Variants in LDLRAD4 observed in about 807,000 individuals in gnomAD.
LDLRAD4 encodes low-density lipoprotein receptor class A domain-containing protein 4.
LDLRAD4 carries 5 observed loss-of-function variants against 17.0 expected under a neutral mutation model. The ratio of observed to expected loss-of-function variants is 0.29; its 90% CI spans 0.15 to 0.62. The LOEUF is 0.62. Ranked by LOEUF, LDLRAD4 falls within the 20% of genes least tolerant of loss-of-function variation. LDLRAD4 has a pLI of 0.84. For synonymous variants in LDLRAD4, 168 were observed against 171.8 expected, an observed-to-expected ratio of 0.98 and a Z score of 0.17; for missense variants, 340 against 424.7, an observed-to-expected ratio of 0.80 and a Z score of 1.75.
intron 1 of LDLRAD4, among the ~76,000 whole-genome samples, chr18:13,364,875 C>G (rs945101998): frequency 3.2e-4 from 49 of 152,168 alleles, no homozygotes; most frequent in African/African-American, 1.1e-3. Flanking sequence ...CAGTGCAGTT[C>G]CACTCGTGTG....
At chr18:13,323,578 AACACCC>A (rs2143442183) in intron 1 of LDLRAD4, among the ~76,000 whole-genome samples, 1 of 152,360 alleles carries the variant, frequency 6.6e-6, no homozygotes, top group Admixed American at 6.5e-5. Flanking sequence ...AACAAAACAA[AACACCC>A]CTCAGTAACT....
chr18:13,591,432 CTGTG>C (rs58480746), intron 3 of LDLRAD4, among the ~76,000 whole-genome samples: 6 of 150,742 alleles, frequency 4.0e-5, no homozygotes, highest in East Asian at 2.0e-4. Flanking sequence ...GTGTGTGTGT[CTGTG>C]TGTGTGTGTG....
intron 3 of LDLRAD4, among the ~76,000 whole-genome samples, chr18:13,444,179 G>T (rs929645024): frequency 3.9e-5 from 6 of 152,176 alleles, no homozygotes; most frequent in Non-Finnish European, 8.8e-5. Context: ...TTTCCTCTGT[G>T]TGTTATGATG....
intron 1 of LDLRAD4, among the ~76,000 whole-genome samples, chr18:13,271,893 C>CTTT (rs753254188): frequency 0.092 from 7,238 of 78,898 alleles, 765 homozygotes; most frequent in Non-Finnish European, 0.12. Context: ...CTGTTCAGTG[C>CTTT]TTTTTTTTTT....
intron 1 of LDLRAD4, among the ~76,000 whole-genome samples, chr18:13,289,233 C>T (rs113400305): frequency 2.0e-5 from 3 of 152,176 alleles, no homozygotes; most frequent in Admixed American, 6.5e-5. Flanking sequence ...AGTTCCAGCA[C>T]GCATAATGGT....
chr18:13,555,598 G>A (rs977364653), intron 3 of LDLRAD4, among the ~76,000 whole-genome samples: 2 of 152,196 alleles, frequency 1.3e-5, no homozygotes, highest in African/African-American at 4.8e-5. Context: ...TCTATTATTT[G>A]TTATTTAGCC....
At chr18:13,330,384 CAG>C (rs1342093013) in intron 1 of LDLRAD4, among the ~76,000 whole-genome samples, 1 of 152,168 alleles carries the variant, frequency 6.6e-6, no homozygotes, top group Non-Finnish European at 1.5e-5. Flanking sequence ...TTATACATTT[CAG>C]AGAGTTGGCA....
intron 1 of LDLRAD4, among the ~76,000 whole-genome samples, chr18:13,362,743 A>C (rs955725200): frequency 7.2e-5 from 11 of 152,244 alleles, no homozygotes; most frequent in African/African-American, 2.7e-4. Flanking sequence ...ACGTTAAGTT[A>C]TTCTTGAGTA....
At chr18:13,330,647 C>T (rs2081805664) in intron 1 of LDLRAD4, among the ~76,000 whole-genome samples, 1 of 152,188 alleles carries the variant, frequency 6.6e-6, no homozygotes, top group Non-Finnish European at 1.5e-5. Flanking sequence ...GACCCCTTTT[C>T]CTGACATACA....
At chr18:13,308,458 T>C (rs139288450) in intron 1 of LDLRAD4, among the ~76,000 whole-genome samples, 2 of 152,372 alleles carry the variant, frequency 1.3e-5, no homozygotes, top group African/African-American at 4.8e-5. Flanking sequence ...CCAGAGCGTG[T>C]GCATTTGTGG....
Position 13,398,265 on chromosome 18 carries a change from C to G in LDLRAD4, c.40+10503C>G, listed in dbSNP as rs2086866306. ...TCTAAGTTGGAAAATACAAACTTTT[C>G]CATGTGTACCTTAGATAACCTCACT... On this transcript the variant is annotated intron_variant, in intron 2 of 5. Transcript: ENST00000359446. The surrounding 1 kb of genome is among the most constrained non-coding windows in gnomAD (Gnocchi z 4.8). Among the ~76,000 whole-genome samples the G allele has an allele frequency of 6.6e-6, 1 of 152,106 alleles. No individual in the cohort carries two copies. Among genetic ancestry groups the G allele is most frequent in the South Asian group, 2.1e-4 (1 of 4,814 alleles).
chr18:13,436,235 C>T (rs920067668), intron 2 of LDLRAD4, among the ~76,000 whole-genome samples: 6 of 152,192 alleles, frequency 3.9e-5, no homozygotes, highest in African/African-American at 7.2e-5. Flanking sequence ...CATTCACTTC[C>T]GAGTTTCCAT....
In LDLRAD4 at chr18:13,393,626, C is replaced by T. The variant is rs77585996; in HGVS notation, c.40+5864C>T. Among the ~76,000 whole-genome samples the T allele has an allele frequency of 1.9e-3, 285 of 152,254 alleles. 4 individuals carry two copies. The East Asian group carries it at 0.035, about 19-fold the overall frequency. On this transcript the variant is annotated intron_variant, in intron 2 of 5. Coordinates refer to ENST00000359446, the Ensembl canonical transcript of LDLRAD4. Reference sequence around the variant, plus strand: ...CTGCAGAGAAACAGTGTCATGAGACCGTCTCCCTGCCTCCGTTCTCTCCTC... The same window carrying T: ...CTGCAGAGAAACAGTGTCATGAGACTGTCTCCCTGCCTCCGTTCTCTCCTC...
intron 1 of LDLRAD4, among the ~76,000 whole-genome samples, chr18:13,225,096 A>G (rs1032119578): frequency 1.4e-4 from 22 of 152,190 alleles, no homozygotes; most frequent in African/African-American, 5.3e-4. Context: ...TCAGCCTCCC[A>G]AAGTGCTGGG....
chr18:13,547,620 G>T (rs1263814280), intron 3 of LDLRAD4, among the ~76,000 whole-genome samples: 2 of 152,234 alleles, frequency 1.3e-5, no homozygotes, highest in Non-Finnish European at 2.9e-5. Context: ...ACTGTACATG[G>T]CCAGGCATGC....
At chr18:13,462,903 G>A (rs920699959) in intron 3 of LDLRAD4, among the ~76,000 whole-genome samples, 1 of 152,292 alleles carries the variant, frequency 6.6e-6, no homozygotes, top group Non-Finnish European at 1.5e-5. Flanking sequence ...CTCTCACGCG[G>A]AGATGTTCCT....
At chr18:13,374,044 G>A (rs985413030) in intron 1 of LDLRAD4, among the ~76,000 whole-genome samples, 7 of 152,210 alleles carry the variant, frequency 4.6e-5, no homozygotes, top group Non-Finnish European at 1.0e-4. Flanking sequence ...GTGTACGTTT[G>A]ATCCTCAACC....
chr18:13,635,829 C>T (rs1026728515), intron 4 of LDLRAD4, among the ~76,000 whole-genome samples: 8 of 152,328 alleles, frequency 5.3e-5, no homozygotes, highest in East Asian at 1.9e-4. Context: ...CCATGCTCTC[C>T]GGAGCTGCCC....
intron 3 of LDLRAD4, among the ~76,000 whole-genome samples, chr18:13,504,874 G>A (rs1339835566): frequency 6.6e-6 from 1 of 152,200 alleles, no homozygotes; most frequent in African/African-American, 2.4e-5. Context: ...GATGGATTCT[G>A]ATTTGGGAAT....
Sources: allele counts gnomAD v4.1 joint callset (sites outside exome capture counted in the v4.1 genomes callset), GRCh38; gene constraint gnomAD v4.1.1; non-coding constraint Gnocchi (gnomAD v3.1); transcripts MANE v1.5; gene names NCBI Gene and HGNC (gene_info 2026-07-23, HGNC 2026-07-21).